Variants in OSBPL8 observed in about 807,000 individuals in gnomAD.
The protein encoded by OSBPL8 is oxysterol-binding protein-related protein 8.
Under a neutral mutation model 125.5 loss-of-function variants are expected in OSBPL8, and 59 were observed. The observed-to-expected ratio is 0.47, with a 90% confidence interval of 0.38 to 0.58. The LOEUF (loss-of-function observed/expected upper bound fraction) is 0.58, where lower values mean the gene tolerates loss of function less well. OSBPL8 is among the 20% of genes least tolerant of loss of function. The pLI is 0.00. For synonymous variants in OSBPL8, 330 were observed against 338.9 expected, an observed-to-expected ratio of 0.97 and a Z score of 0.29; for missense variants, 758 against 1,047.8, an observed-to-expected ratio of 0.72 and a Z score of 3.82.
At position 76,516,822 on chromosome 12, in the gene OSBPL8, T is replaced by C. The variant is rs913968525; in HGVS notation, c.-67-29204A>G. Among the ~76,000 whole-genome samples, 8 of 150,828 alleles carry C rather than the reference T, an allele frequency of 5.3e-5. No homozygotes were observed. In the South Asian group the frequency reaches 6.3e-4, roughly 12 times the overall value. On this transcript the variant is annotated intron_variant, in intron 1 of 23. Transcript: ENST00000261183. ...CTTTCCTTTTCTTTTCTTTTCTTTT[T>C]TTTTTTTTTTGAGATGGAGACTAGC...
intron 2 of OSBPL8, among the ~76,000 whole-genome samples, chr12:76,475,241 T>C (rs1876660430): frequency 6.7e-6 from 1 of 148,634 alleles, no homozygotes; most frequent in African/African-American, 2.4e-5. Context: ...TGAGAAGCTC[T>C]GGCATGTCTT....
At chr12:76,490,910 G>A (rs886320852) in intron 1 of OSBPL8, among the ~76,000 whole-genome samples, 10 of 152,208 alleles carry the variant, frequency 6.6e-5, no homozygotes, top group African/African-American at 9.7e-5. Context: ...CACGGAGTTC[G>A]CTCCTGCCAG....
At chr12:76,444,062 C>T (rs1168797030) in intron 4 of OSBPL8, among the ~76,000 whole-genome samples, 1 of 151,956 alleles carries the variant, frequency 6.6e-6, no homozygotes, top group Non-Finnish European at 1.5e-5. Flanking sequence ...GAGTCAGTCT[C>T]CCCAGCTCTT....
At chr12:76,481,495 T>A (rs1877484880) in intron 2 of OSBPL8, among the ~76,000 whole-genome samples, 1 of 151,606 alleles carries the variant, frequency 6.6e-6, no homozygotes, top group South Asian at 2.1e-4. Flanking sequence ...CCAGACAGAG[T>A]GGGGCAGGCC....
At chr12:76,365,789 CT>C (rs1952392702) in intron 21 of OSBPL8, among the ~76,000 whole-genome samples, 2 of 152,196 alleles carry the variant, frequency 1.3e-5, no homozygotes, top group Admixed American at 6.5e-5. Context: ...TTTATGAGGT[CT>C]TTCTTTTGTT....
At chr12:76,398,978 G>A (rs568390764) in intron 7 of OSBPL8, among the ~76,000 whole-genome samples, 2 of 152,304 alleles carry the variant, frequency 1.3e-5, no homozygotes, top group South Asian at 2.1e-4. Flanking sequence ...GCCAGGCAAC[G>A]TGTTGGGGAC....
At chr12:76,443,676 T>C (rs1289794726) in intron 4 of OSBPL8, among the ~76,000 whole-genome samples, 1 of 152,124 alleles carries the variant, frequency 6.6e-6, no homozygotes, top group African/African-American at 2.4e-5. Context: ...GCCTGGCTAA[T>C]TTTAATATTT....
In OSBPL8 at chr12:76,548,585, G is replaced by A. The variant is rs534201501; in HGVS notation, c.-68+10812C>T. Among the ~76,000 whole-genome samples, 315 of 152,190 alleles carry A rather than the reference G, an allele frequency of 2.1e-3. 1 individual carries two copies. The highest frequency in any genetic ancestry group is 7.2e-3 in the African/African-American group (298 of 41,514). On this transcript the variant is annotated intron_variant, in intron 1 of 23. Coordinates refer to ENST00000261183, the MANE Select transcript of OSBPL8 (RefSeq NM_020841.5). ...AACCACTATCTAGGGAAAGCTAAGC[G>A]GAGGTGTGGCACAGAGTAAACACAT...
intron 1 of OSBPL8, among the ~76,000 whole-genome samples, chr12:76,537,660 A>C (rs943222961): frequency 2.0e-5 from 3 of 152,076 alleles, no homozygotes; most frequent in Non-Finnish European, 4.4e-5. Flanking sequence ...TGTAATCCCA[A>C]CACTTTGGGA....
intron 1 of OSBPL8, among the ~76,000 whole-genome samples, chr12:76,504,920 G>C (rs1048807062): frequency 8.5e-5 from 13 of 152,080 alleles, no homozygotes; most frequent in Non-Finnish European, 1.8e-4. Flanking sequence ...GGCCTCACCT[G>C]GATCTCCTTC....
chr12:76,365,100 C>T (rs1244455480), intron 21 of OSBPL8, among the ~76,000 whole-genome samples: 1 of 152,058 alleles, frequency 6.6e-6, no homozygotes, highest in Non-Finnish European at 1.5e-5. Flanking sequence ...AGACTACAGG[C>T]GTGTGCCACC....
At chr12:76,413,649 T>A (rs1355905716) in intron 4 of OSBPL8, among the ~76,000 whole-genome samples, 1 of 152,214 alleles carries the variant, frequency 6.6e-6, no homozygotes, top group Non-Finnish European at 1.5e-5. Context: ...GGCAGTCTGG[T>A]GGATGCACAG....
rs183607605 is a variant in OSBPL8 at position 76,464,597 on chromosome 12, T to C, written c.43-4702A>G. ...TATAATTAGCATTAAACAAGCAATC[T>C]TGAGGGTATATAAACATCTTCATCC... On this transcript the variant is annotated intron_variant, in intron 2 of 23. Coordinates refer to ENST00000261183, the MANE Select transcript of OSBPL8 (RefSeq NM_020841.5). Among the ~76,000 whole-genome samples, 227 of 152,340 alleles carry C rather than the reference T, an allele frequency of 1.5e-3. 1 individual carries two copies. Among genetic ancestry groups the C allele is most frequent in the African/African-American group, 5.3e-3 (221 of 41,580 alleles).
At chr12:76,444,073 A>T (rs1872505273) in intron 4 of OSBPL8, among the ~76,000 whole-genome samples, 1 of 151,882 alleles carries the variant, frequency 6.6e-6, no homozygotes, top group African/African-American at 2.4e-5. Flanking sequence ...CCCAGCTCTT[A>T]AAAAAAATCC....
chr12:76,499,895 A>C (rs531292968), intron 1 of OSBPL8, among the ~76,000 whole-genome samples: 2 of 151,962 alleles, frequency 1.3e-5, no homozygotes, highest in South Asian at 4.1e-4. Context: ...CATTGCCCAT[A>C]ATGCTCAAGT....
In OSBPL8 at chr12:76,401,957, A is replaced by G. The variant is rs1196487667; in HGVS notation, c.366+732T>C. Among the ~76,000 whole-genome samples the G allele has an allele frequency of 2.0e-5, 3 of 152,192 alleles. No individual in the cohort carries two copies. The East Asian group carries it at 5.8e-4, about 29-fold the overall frequency. On this transcript the variant is annotated intron_variant, in intron 6 of 23. Coordinates refer to ENST00000261183, the MANE Select transcript of OSBPL8 (RefSeq NM_020841.5). ...GTGATGATAACCTATTAGTGACTAC[A>G]TTTTTAAAAACTAACAAAATCTTCC...
intron 14 of OSBPL8, among the ~76,000 whole-genome samples, chr12:76,384,770 C>CGG (rs1953232107): frequency 6.6e-6 from 1 of 152,138 alleles, no homozygotes; most frequent in African/African-American, 2.4e-5. Context: ...TGTCAACAGC[C>CGG]AGGTGATGAA....
intron 1 of OSBPL8, among the ~76,000 whole-genome samples, chr12:76,510,553 A>G (rs567951124): frequency 1.1e-4 from 17 of 152,334 alleles, no homozygotes; most frequent in African/African-American, 4.1e-4. Context: ...TGTCGGTTAT[A>G]TGTCTTTTGC....
At chr12:76,416,093 A>T (rs1416256852) in intron 4 of OSBPL8, among the ~76,000 whole-genome samples, 1 of 152,092 alleles carries the variant, frequency 6.6e-6, no homozygotes, top group Non-Finnish European at 1.5e-5. Context: ...TATATTCCAC[A>T]AATTTCGATA....
Sources: allele counts gnomAD v4.1 joint callset (sites outside exome capture counted in the v4.1 genomes callset), GRCh38; gene constraint gnomAD v4.1.1; transcripts MANE v1.5; gene names NCBI Gene and HGNC (gene_info 2026-07-23, HGNC 2026-07-21).